GSE1: variants seen among roughly 807,000 people sequenced by gnomAD.
GSE1 encodes the protein genetic suppressor element 1.
Under a neutral mutation model 112.6 loss-of-function variants are expected in GSE1, and 32 were observed. The observed-to-expected ratio is 0.28, with a 90% CI of 0.21 to 0.38. GSE1 has a LOEUF of 0.38. Ranked by LOEUF, GSE1 falls within the 10% of genes least tolerant of loss-of-function variation. The probability of loss-of-function intolerance (pLI) is 1.00; values close to 1 mark genes in which losing one functional copy is unlikely to be tolerated. For missense variants in GSE1, 2,348 were observed against 1,699.2 expected (o/e 1.38, Z -6.71); for synonymous variants, 1,115 against 735.6 (o/e 1.52, Z -8.35).
chr16:85,174,940 G>C (rs931561056), intron 1 of GSE1, among the ~76,000 whole-genome samples: 1 of 152,178 alleles, frequency 6.6e-6, no homozygotes, highest in Non-Finnish European at 1.5e-5. Flanking sequence ...GGTGGTTTGA[G>C]AATTTAGGTG....
chr16:85,522,476 G>A (rs1485213569), intron 2 of GSE1, among the ~76,000 whole-genome samples: 2 of 144,498 alleles, frequency 1.4e-5, no homozygotes, highest in East Asian at 2.3e-4. Context: ...TCATCCAACC[G>A]ACTCACCCCC....
intron 2 of GSE1, among the ~76,000 whole-genome samples, chr16:85,514,431 C>A (rs575072827): frequency 3.1e-5 from 3 of 97,734 alleles, no homozygotes; most frequent in Admixed American, 9.0e-5. Flanking sequence ...TCGAGTCCCC[C>A]CCCCCACCCC....
At chr16:85,420,418 G>A (rs936088441) in intron 2 of GSE1, among the ~76,000 whole-genome samples, 3 of 152,088 alleles carry the variant, frequency 2.0e-5, no homozygotes, top group Non-Finnish European at 2.9e-5. Flanking sequence ...GCTAACACAG[G>A]ATCAGGCAGG....
chr16:85,634,558 G>T (rs967136772), intron 2 of GSE1, among the ~76,000 whole-genome samples: 1 of 152,186 alleles, frequency 6.6e-6, no homozygotes, highest in African/African-American at 2.4e-5. Flanking sequence ...CAGAGAACAT[G>T]GTGTCCCTGG....
chr16:85,333,551 A>G (rs2046420285), intron 1 of GSE1, among the ~76,000 whole-genome samples: 1 of 152,240 alleles, frequency 6.6e-6, no homozygotes, highest in South Asian at 2.1e-4. Flanking sequence ...GCCAGCCTGC[A>G]TCAGAAGCTG....
intron 1 of GSE1, among the ~76,000 whole-genome samples, chr16:85,596,262 C>T (rs1340489260): frequency 6.6e-6 from 1 of 152,126 alleles, no homozygotes; most frequent in Admixed American, 6.5e-5. Flanking sequence ...GGGGCCTGGC[C>T]CACCTTAGCT....
chr16:85,624,581 C>T lies in GSE1; in HGVS notation c.8-9333C>T, dbSNP rs1340730917. Among the ~76,000 whole-genome samples the T allele has an allele frequency of 6.6e-5, 10 of 152,370 alleles. No homozygotes were observed. In the East Asian group the frequency reaches 1.9e-3, roughly 29 times the overall value. On this transcript the variant is annotated intron_variant, in intron 1 of 15. Coordinates refer to ENST00000253458, the MANE Select transcript of GSE1 (RefSeq NM_014615.5). The stretch of plus-strand genomic sequence containing the variant: ...ACGCCAGCCATTTCCAATCTCTTCG[C>T]ACATTAAAGGGAAGCAGCCGGCACC...
chr16:85,546,391 G>A (rs1485472195), intron 2 of GSE1, among the ~76,000 whole-genome samples: 1 of 152,154 alleles, frequency 6.6e-6, no homozygotes, highest in East Asian at 1.9e-4. Context: ...GGCCTGTGTT[G>A]TTAGTTAAAC....
rs376336766 is a variant in GSE1 at position 85,304,822 on chromosome 16, C to A, written c.2284-52641C>A. Among the ~76,000 whole-genome samples, 17 of 152,346 alleles carry A rather than the reference C, an allele frequency of 1.1e-4. No individual in the cohort carries two copies. In the East Asian group the frequency reaches 2.1e-3, roughly 19 times the overall value. ...AGCCACAGAATGACTCAATGTCCCC[C>A]TCTTTCAACCAGCGTTGTTCATTGC... is the stretch of plus-strand genomic sequence containing the variant. On this transcript the variant is annotated intron_variant, in intron 1 of 2. Transcript: ENST00000637419.
chr16:85,527,196 C>A (rs535174326), intron 2 of GSE1, among the ~76,000 whole-genome samples: 1 of 152,228 alleles, frequency 6.6e-6, no homozygotes, highest in African/African-American at 2.4e-5. Context: ...CGTGAGGAAC[C>A]GCTGCCTGGG....
intron 2 of GSE1, among the ~76,000 whole-genome samples, chr16:85,501,246 C>T (rs1262030629): frequency 6.6e-6 from 1 of 152,066 alleles, no homozygotes; most frequent in East Asian, 1.9e-4. Flanking sequence ...TCGTGATCCA[C>T]CTGCCTCGGC....
chr16:85,671,953 C>T, intron 15 of GSE1: 1 of 171,828 alleles, frequency 5.8e-6, no homozygotes, highest in South Asian at 1.2e-4. Context: ...GATGCCGATT[C>T]TTAAGACTCT....
At chr16:85,308,570 A>C (rs555193434) in intron 1 of GSE1, among the ~76,000 whole-genome samples, 2 of 152,182 alleles carry the variant, frequency 1.3e-5, no homozygotes, top group East Asian at 3.8e-4. Context: ...TCCACTCTGA[A>C]CAGGAAACCT....
upstream of GSE1, chr16:85,555,955 C>A: frequency 1.0e-6 from 1 of 983,226 alleles, no homozygotes; most frequent in Non-Finnish European, 1.2e-6. Context: ...CTCCCCCCTC[C>A]TTTTTTTTAT....
Position 85,264,356 on chromosome 16 carries a change from G to C in GSE1, c.2283+92549G>C, listed in dbSNP as rs530626956. On this transcript the variant is annotated intron_variant, in intron 1 of 2. Transcript: ENST00000637419. Reference sequence around the variant, plus strand: ...CGTCTCAGATGGGCTTGGGGGACCGGGTGAGGTAGAGGGGAGCCCTGGCCT... The same window carrying C: ...CGTCTCAGATGGGCTTGGGGGACCGCGTGAGGTAGAGGGGAGCCCTGGCCT... Among the ~76,000 whole-genome samples the C allele has an allele frequency of 6.6e-5, 10 of 152,214 alleles. No individual in the cohort carries two copies. The South Asian group carries it at 1.2e-3, about 19-fold the overall frequency.
intron 1 of GSE1, among the ~76,000 whole-genome samples, chr16:85,620,987 G>T (rs1401910270): frequency 1.3e-3 from 132 of 98,690 alleles, no homozygotes; most frequent in Middle Eastern, 8.1e-3. Context: ...GTCTCGGCCC[G>T]GGGTCTCTGC....
chr16:85,564,753 T>C (rs566647213), intron 1 of GSE1, among the ~76,000 whole-genome samples: 1 of 152,270 alleles, frequency 6.6e-6, no homozygotes, highest in East Asian at 1.9e-4. Flanking sequence ...GGAGAGAATG[T>C]GCAGGCAGAG....
intron 1 of GSE1, among the ~76,000 whole-genome samples, chr16:85,625,242 C>T (rs1038537043): frequency 1.3e-5 from 2 of 152,222 alleles, no homozygotes; most frequent in Non-Finnish European, 2.9e-5. Flanking sequence ...TCCGCACACA[C>T]AGCAGCCGCT....
intron 2 of GSE1, among the ~76,000 whole-genome samples, chr16:85,473,793 T>C (rs1312625555): frequency 6.6e-6 from 1 of 152,014 alleles, no homozygotes; most frequent in Non-Finnish European, 1.5e-5. Flanking sequence ...GGGGTCACCA[T>C]TCAGCACTAC....
Sources: allele counts gnomAD v4.1 joint callset (sites outside exome capture counted in the v4.1 genomes callset), GRCh38; gene constraint gnomAD v4.1.1; transcripts MANE v1.5; gene names NCBI Gene and HGNC (gene_info 2026-07-23, HGNC 2026-07-21).